Variants in PDE11A observed in about 807,000 individuals in gnomAD.
PDE11A encodes dual 3',5'-cyclic-AMP and -GMP phosphodiesterase 11A.
A neutral mutation model predicts 100.5 loss-of-function variants in PDE11A; 100 were observed. That is an observed-to-expected ratio of 1.00 (90% CI 0.85 to 1.18). The LOEUF (loss-of-function observed/expected upper bound fraction) is 1.18, where lower values mean the gene tolerates loss of function less well. PDE11A is among the 50% of genes most tolerant of loss of function. The pLI, the probability that PDE11A is intolerant of heterozygous loss-of-function variation, is 0.00. For synonymous variants in PDE11A, 381 were observed against 420.8 expected (o/e 0.91, Z 1.16); for missense variants, 1,141 against 1,152.6 (o/e 0.99, Z 0.15).
chr2:177,891,560 T>G (rs964173616), intron 4 of PDE11A, among the ~76,000 whole-genome samples: 2 of 152,202 alleles, frequency 1.3e-5, no homozygotes, highest in Admixed American at 6.5e-5. Context: ...TTGCATTTGA[T>G]TTTTTAACAT....
chr2:177,647,179 T>C (rs2080234922), intron 19 of PDE11A, among the ~76,000 whole-genome samples: 1 of 152,224 alleles, frequency 6.6e-6, no homozygotes, highest in Non-Finnish European at 1.5e-5. Flanking sequence ...ACCTGAAATT[T>C]CATAGAAATA....
intron 16 of PDE11A, among the ~76,000 whole-genome samples, chr2:177,680,585 A>G (rs2080848037): frequency 6.6e-6 from 1 of 152,158 alleles, no homozygotes; most frequent in African/African-American, 2.4e-5. Flanking sequence ...GCCAAAACTG[A>G]ACTAATTTGA....
chr2:177,725,818 A>G (rs2105444883), intron 12 of PDE11A, among the ~76,000 whole-genome samples: 1 of 152,224 alleles, frequency 6.6e-6, no homozygotes, highest in South Asian at 2.1e-4. Context: ...AGTTTCCCCT[A>G]TTCCAACTAT....
Position 177,840,254 on chromosome 2 carries a change from T to C in PDE11A, c.1497A>G (p.Ala499=). The change falls in exon 6 of 20, where the codon GCA becomes GCG. Residue 499 remains alanine, a synonymous_variant. Coordinates refer to ENST00000286063, the MANE Select transcript of PDE11A (RefSeq NM_016953.4). ...CAACCAGAGGGGCTCCTCTTACCTC[T>C]GCATCAAAGCGCGGATCCTGGTAGG... ...SDAYQDPRFD[A]EADQISGFHI... 1 of 1,614,120 alleles carries C rather than the reference T, an allele frequency of 6.2e-7. No homozygotes were observed. The highest frequency in any genetic ancestry group is 2.2e-5 in the East Asian group (1 of 44,880).
chr2:177,750,844 G>A (rs1171937525), intron 10 of PDE11A, among the ~76,000 whole-genome samples: 2 of 152,192 alleles, frequency 1.3e-5, no homozygotes, highest in Admixed American at 6.5e-5. Context: ...GTGGAGCAGT[G>A]TTCTATGAGA....
chr2:177,768,307 T>A (rs2082266346), intron 10 of PDE11A, among the ~76,000 whole-genome samples: 1 of 152,176 alleles, frequency 6.6e-6, no homozygotes, highest in Non-Finnish European at 1.5e-5. Flanking sequence ...CTCCCTTTTG[T>A]CATTCAAGTG....
chr2:177,690,157 T>C (rs1255022201), intron 15 of PDE11A, among the ~76,000 whole-genome samples: 1 of 151,744 alleles, frequency 6.6e-6, no homozygotes, highest in Non-Finnish European at 1.5e-5. Context: ...TATGGAAAAA[T>C]TCTTTGAAAT....
intron 9 of PDE11A, among the ~76,000 whole-genome samples, chr2:177,803,909 T>C (rs1018160920): frequency 2.0e-5 from 3 of 151,660 alleles, no homozygotes; most frequent in Admixed American, 6.6e-5. Flanking sequence ...AGGATAACCA[T>C]ATGCAGAAGA....
chr2:177,884,999 G>A (rs1030846717), intron 4 of PDE11A, among the ~76,000 whole-genome samples: 5 of 152,156 alleles, frequency 3.3e-5, no homozygotes, highest in Non-Finnish European at 7.3e-5. Flanking sequence ...AGGTGGAGAA[G>A]ATTTGGGATG....
intron 2 of PDE11A, chr2:177,998,420 C>G: frequency 1.1e-6 from 1 of 943,138 alleles, no homozygotes; most frequent in South Asian, 1.3e-5. Context: ...GGGCATTGTT[C>G]ACTAGGTTAA....
chr2:177,989,789 C>T (rs546605312), intron 2 of PDE11A, among the ~76,000 whole-genome samples: 2 of 151,834 alleles, frequency 1.3e-5, no homozygotes, highest in East Asian at 3.9e-4. Flanking sequence ...ACATTCTGGT[C>T]AAGACAAAAA....
chr2:177,973,145 C>A (rs1389464712), intron 2 of PDE11A, among the ~76,000 whole-genome samples: 1 of 150,448 alleles, frequency 6.6e-6, no homozygotes, highest in African/African-American at 2.5e-5. Context: ...ACGCAGAAGA[C>A]GGGTGATTTC....
rs2080364653 is a variant in PDE11A, at chr2:177,655,313, A to G, written c.2646+8553T>C. On this transcript the variant is annotated intron_variant, in intron 19 of 19. Coordinates refer to ENST00000286063, the MANE Select transcript of PDE11A (RefSeq NM_016953.4). Reference sequence around the variant, plus strand: ...TAGTCCATTTTATTTACCAAAAAATATGCATAGAGATGGTTGTTTATCAGG... The same window carrying G: ...TAGTCCATTTTATTTACCAAAAAATGTGCATAGAGATGGTTGTTTATCAGG... Among the ~76,000 whole-genome samples the G allele has an allele frequency of 3.3e-5, 5 of 152,348 alleles. No individual in the cohort carries two copies. The South Asian group carries it at 1.0e-3, about 32-fold the overall frequency.
chr2:177,996,986 G>A (rs1353550084), intron 2 of PDE11A, among the ~76,000 whole-genome samples: 1 of 152,162 alleles, frequency 6.6e-6, no homozygotes, highest in Admixed American at 6.5e-5. Context: ...TATTGCAGAC[G>A]AAGCATCCAA....
chr2:178,050,228 C>T (rs934344495), intron 1 of PDE11A, among the ~76,000 whole-genome samples: 1 of 152,210 alleles, frequency 6.6e-6, no homozygotes, highest in Admixed American at 6.5e-5. Context: ...TGGTGATACC[C>T]AGGCAAACAG....
intron 15 of PDE11A, among the ~76,000 whole-genome samples, chr2:177,684,616 G>A (rs544245323): frequency 1.3e-5 from 2 of 152,134 alleles, no homozygotes; most frequent in East Asian, 3.9e-4. Context: ...ACCTTGAGTA[G>A]GTTACTTAAC....
chr2:177,809,995 G>C (rs947094222), intron 9 of PDE11A, among the ~76,000 whole-genome samples: 1 of 152,166 alleles, frequency 6.6e-6, no homozygotes, highest in African/African-American at 2.4e-5. Context: ...CCTTCAGGAA[G>C]TCAGATTGGC....
At chr2:177,692,569 C>A (rs16865617) in intron 15 of PDE11A, among the ~76,000 whole-genome samples, 1 of 152,120 alleles carries the variant, frequency 6.6e-6, no homozygotes, top group African/African-American at 2.4e-5. Flanking sequence ...ACTTAATTAT[C>A]AAATCCTTAT....
At chr2:177,928,342 T>C (rs1023737557) in intron 2 of PDE11A, among the ~76,000 whole-genome samples, 1 of 152,026 alleles carries the variant, frequency 6.6e-6, no homozygotes, top group African/African-American at 2.4e-5. Context: ...TAAAAAAAAT[T>C]AAAGAATTAG....
Sources: allele counts gnomAD v4.1 joint callset (sites outside exome capture counted in the v4.1 genomes callset), GRCh38; gene constraint gnomAD v4.1.1; transcripts MANE v1.5; gene names NCBI Gene and HGNC (gene_info 2026-07-23, HGNC 2026-07-21).